PRR16: variants seen among roughly 807,000 people sequenced by gnomAD.
PRR16 encodes the protein protein Largen.
A neutral mutation model predicts 18.2 loss-of-function variants in PRR16; 6 were observed. That is an observed-to-expected ratio of 0.33 (90% CI 0.18 to 0.65). The LOEUF is 0.65. Among genes scored for constraint, PRR16 ranks in the 30% least tolerant of loss-of-function variants. PRR16 has a pLI of 0.74. For synonymous variants in PRR16, 151 were observed against 147.8 expected (o/e 1.02, Z -0.16); for missense variants, 412 against 376.6 (o/e 1.09, Z -0.78).
At chr5:120,682,185 G>T (rs930951676) in intron 1 of PRR16, among the ~76,000 whole-genome samples, 1 of 152,106 alleles carries the variant, frequency 6.6e-6, no homozygotes, top group African/African-American at 2.4e-5. Context: ...TTCTGTCAGA[G>T]GACCTTTATC....
intron 1 of PRR16, among the ~76,000 whole-genome samples, chr5:120,607,040 G>A (rs1754177562): frequency 6.6e-6 from 1 of 152,170 alleles, no homozygotes; most frequent in Admixed American, 6.5e-5. Flanking sequence ...ATTTGGAAAA[G>A]ATCATTTTAT....
chr5:120,781,060 T>C, the PRR16 span, among the ~76,000 whole-genome samples: 1 of 152,134 alleles, frequency 6.6e-6, no homozygotes, highest in Non-Finnish European at 1.5e-5. Flanking sequence ...GAAATATCTA[T>C]GTATCTATCT....
At chr5:120,792,023 G>T in the PRR16 span, among the ~76,000 whole-genome samples, 1 of 152,098 alleles carries the variant, frequency 6.6e-6, no homozygotes, top group Non-Finnish European at 1.5e-5. Context: ...AAGTATAGAT[G>T]CCTGAACTCA....
chr5:120,766,457 A>T, the PRR16 span, among the ~76,000 whole-genome samples: 273 of 151,906 alleles, frequency 1.8e-3, no homozygotes, highest in Middle Eastern at 6.8e-3. Context: ...TTTTTCATTG[A>T]TGCACATAGT....
intron 1 of PRR16, among the ~76,000 whole-genome samples, chr5:120,641,880 C>T (rs556091507): frequency 6.6e-6 from 1 of 152,202 alleles, no homozygotes; most frequent in African/African-American, 2.4e-5. Flanking sequence ...GACTTCAAAT[C>T]CAGTATGTCA....
At chr5:120,481,000 A>G (rs1749592828) in intron 1 of PRR16, among the ~76,000 whole-genome samples, 1 of 152,196 alleles carries the variant, frequency 6.6e-6, no homozygotes, top group South Asian at 2.1e-4. Context: ...TTTTCCTTTA[A>G]ACCACACTAA....
At chr5:120,534,098 C>T (rs529551199) in intron 1 of PRR16, among the ~76,000 whole-genome samples, 3 of 152,200 alleles carry the variant, frequency 2.0e-5, no homozygotes, top group Admixed American at 6.5e-5. Context: ...ATTAGACATC[C>T]ACATAGACAT....
intron 1 of PRR16, among the ~76,000 whole-genome samples, chr5:120,582,125 A>G (rs1753292172): frequency 6.6e-6 from 1 of 152,220 alleles, no homozygotes; most frequent in South Asian, 2.1e-4. Flanking sequence ...CTATGCAGCA[A>G]TAAAAACGAT....
At chr5:120,655,012 G>A (rs1485667045) in intron 1 of PRR16, among the ~76,000 whole-genome samples, 1 of 151,808 alleles carries the variant, frequency 6.6e-6, no homozygotes. Flanking sequence ...TATACTTACT[G>A]AAGTATTCAT....
intron 1 of PRR16, among the ~76,000 whole-genome samples, chr5:120,645,026 T>C (rs1304891604): frequency 6.6e-6 from 1 of 152,138 alleles, no homozygotes. Flanking sequence ...CCAACGTTTG[T>C]ATCTCTTGTT....
At chr5:120,551,375 T>A (rs946322838) in intron 1 of PRR16, among the ~76,000 whole-genome samples, 2 of 152,014 alleles carry the variant, frequency 1.3e-5, no homozygotes, top group African/African-American at 2.4e-5. Flanking sequence ...CAGATGAGCT[T>A]AAGTTAAAAT....
At chr5:120,741,993 AT>A in the PRR16 span, among the ~76,000 whole-genome samples, 1 of 151,898 alleles carries the variant, frequency 6.6e-6, no homozygotes, top group Non-Finnish European at 1.5e-5. Flanking sequence ...TTGTTATTAA[AT>A]TTTTTCAAAA....
chr5:120,755,459 C>G, the PRR16 span, among the ~76,000 whole-genome samples: 1 of 151,982 alleles, frequency 6.6e-6, no homozygotes, highest in South Asian at 2.1e-4. Context: ...TGTTTAGCTC[C>G]GAATTATGTG....
chr5:120,533,902 G>T (rs915991248), intron 1 of PRR16, among the ~76,000 whole-genome samples: 2 of 152,186 alleles, frequency 1.3e-5, no homozygotes, highest in African/African-American at 4.8e-5. Flanking sequence ...GTGAGAAGTG[G>T]CTGGGTGCTG....
chr5:120,599,731 A>T (rs1753921968), intron 1 of PRR16, among the ~76,000 whole-genome samples: 1 of 151,640 alleles, frequency 6.6e-6, no homozygotes, highest in South Asian at 2.1e-4. Flanking sequence ...CCATCTAGTG[A>T]TTAGTGGTTG....
At chr5:120,764,768 C>A in the PRR16 span, among the ~76,000 whole-genome samples, 3 of 152,036 alleles carry the variant, frequency 2.0e-5, no homozygotes, top group Non-Finnish European at 4.4e-5. Context: ...AATTACCTGT[C>A]AAAGGTATTT....
intron 1 of PRR16, chr5:120,481,261 C>T (rs1213363052): frequency 2.1e-6 from 1 of 468,672 alleles, no homozygotes. Flanking sequence ...TATTCTCCTG[C>T]CTCAGCCTGC....
the PRR16 span, among the ~76,000 whole-genome samples, chr5:120,754,476 T>C: frequency 1.1e-5 from 1 of 92,010 alleles, no homozygotes; most frequent in South Asian, 3.2e-4. Flanking sequence ...ATAGTATATA[T>C]TATATAATAT....
chr5:120,616,680 G>C (rs569217804), intron 1 of PRR16, among the ~76,000 whole-genome samples: 1 of 152,224 alleles, frequency 6.6e-6, no homozygotes, highest in African/African-American at 2.4e-5. Flanking sequence ...CCTTAGAGCT[G>C]GTCCTAATAT....
Sources: allele counts gnomAD v4.1 joint callset (sites outside exome capture counted in the v4.1 genomes callset), GRCh38; gene constraint gnomAD v4.1.1; transcripts MANE v1.5; gene names NCBI Gene and HGNC (gene_info 2026-07-23, HGNC 2026-07-21).